The following AP3S2 variants were observed in gnomAD, a reference collection of about 807,000 sequenced individuals.
The protein encoded by AP3S2 is adaptor related protein complex 3 subunit sigma 2.
A neutral mutation model predicts 23.4 loss-of-function variants in AP3S2; 22 were observed. The observed-to-expected ratio is 0.94, with a 90% confidence interval of 0.67 to 1.34. The LOEUF (loss-of-function observed/expected upper bound fraction) is 1.34. Among genes scored for constraint, AP3S2 ranks in the 40% most tolerant of loss-of-function variants. The pLI, the probability that AP3S2 is intolerant of heterozygous loss-of-function variation, is 0.00. For synonymous variants in AP3S2, 86 were observed against 87.1 expected, an observed-to-expected ratio of 0.99 and a Z score of 0.07; for missense variants, 241 against 236.9, an observed-to-expected ratio of 1.02 and a Z score of -0.11.
chr15:89,861,309 A>T (rs1338819651), intron 4 of AP3S2, among the ~76,000 whole-genome samples: 7 of 151,140 alleles, frequency 4.6e-5, no homozygotes, highest in African/African-American at 1.2e-4. Context: ...AAATCTATTT[A>T]AAAAAAAATA....
chr15:89,849,908 A>G (rs1461696942), intron 4 of AP3S2, among the ~76,000 whole-genome samples: 1 of 151,430 alleles, frequency 6.6e-6, no homozygotes, highest in Non-Finnish European at 1.5e-5. Flanking sequence ...ACTGCCATTT[A>G]TGAGTGAAAA....
chr15:89,856,439 G>A (rs995372621), intron 4 of AP3S2, among the ~76,000 whole-genome samples: 11 of 150,608 alleles, frequency 7.3e-5, no homozygotes, highest in African/African-American at 2.2e-4. Context: ...GGTGGCTCAC[G>A]CCTGTAATCC....
intron 4 of AP3S2, among the ~76,000 whole-genome samples, 160 bp downstream of exon 4, chr15:89,871,315 A>T (rs968036675): frequency 6.6e-6 from 1 of 152,118 alleles, no homozygotes; most frequent in Non-Finnish European, 1.5e-5. Context: ...ACAAAACAAA[A>T]CCCAAACTAT....
rs1248652192 is a variant in AP3S2, at chr15:89,837,734, G to A, written c.346-12C>T. ...AGGATGTAGTGCACCTAAAAGGGAAGCAAAAATCAGGAGTCAGAATACTCT... is the reference window on the plus strand; with the variant it reads ...AGGATGTAGTGCACCTAAAAGGGAAACAAAAATCAGGAGTCAGAATACTCT... On this transcript the variant is annotated splice_polypyrimidine_tract_variant and intron_variant, in intron 4 of 5. Coordinates refer to ENST00000336418, the MANE Select transcript of AP3S2 (RefSeq NM_005829.5). The A allele has an allele frequency of 2.5e-6, 4 of 1,612,426 alleles. No homozygotes were observed. The highest frequency in any genetic ancestry group is 3.4e-5 in the Admixed American group (2 of 59,522).
chr15:89,835,739 A>G, intron 5 of AP3S2, 96 bp from the exon 6 acceptor site: 2 of 1,471,482 alleles, frequency 1.4e-6, no homozygotes, highest in Non-Finnish European at 1.8e-6. Flanking sequence ...ACAAAAACAA[A>G]CAAGCAGGAT....
chr15:89,871,598 G>A, intron 3 of AP3S2, 52 bp from the exon 4 acceptor site: 3 of 1,572,484 alleles, frequency 1.9e-6, no homozygotes, highest in Non-Finnish European at 2.6e-6. Flanking sequence ...CACATTCACA[G>A]CTTTATCAAT....
intron 3 of AP3S2, among the ~76,000 whole-genome samples, chr15:89,882,210 G>A (rs931367768): frequency 2.6e-5 from 4 of 152,024 alleles, no homozygotes; most frequent in Admixed American, 6.6e-5. Context: ...GTTTTTAGCA[G>A]AATAGGCACA....
At chr15:89,883,575 C>T (rs1036211536) in intron 3 of AP3S2, among the ~76,000 whole-genome samples, 1 of 152,038 alleles carries the variant, frequency 6.6e-6, no homozygotes, top group African/African-American at 2.4e-5. Flanking sequence ...GACTAGGTCT[C>T]ACTATGTTGC....
chr15:89,837,867 G>C, intron 4 of AP3S2, 145 bp from the exon 5 acceptor site: 1 of 856,136 alleles, frequency 1.2e-6, no homozygotes, highest in Non-Finnish European at 1.8e-6. Context: ...CCCCTGCCCA[G>C]TGACACAACG....
At chr15:89,893,671 G>C (rs867071591) in intron 1 of AP3S2, 4 of 552,710 alleles carry the variant, frequency 7.2e-6, no homozygotes, top group Non-Finnish European at 1.3e-5. Flanking sequence ...ATCAAGAAAA[G>C]GGTCAGCGAG....
At position 89,835,110 on chromosome 15, in the gene AP3S2, G is replaced by A. The variant is rs1415719654; in HGVS notation, c.*405C>T. The A allele has an allele frequency of 4.4e-6, 1 of 224,816 alleles. No homozygotes were observed. Among genetic ancestry groups the A allele is most frequent in the East Asian group, 9.2e-5 (1 of 10,900 alleles). The allele number at this position is 224,816 out of a possible 1,614,324, so 13.9% of individuals were successfully genotyped here. A position where few individuals can be genotyped will look rare whatever the true frequency, so the allele number is the denominator to read the frequency against. On this transcript the variant is annotated 3_prime_UTR_variant, in exon 6 of 6. Coordinates refer to ENST00000336418, the MANE Select transcript of AP3S2 (RefSeq NM_005829.5). ...AGAAGTCTGTGGTGCTAAGGATGAA[G>A]ACTCTACTCAGAGAAGGTGCTCAGC...
intron 1 of AP3S2, among the ~76,000 whole-genome samples, chr15:89,890,677 C>T (rs1317540696): frequency 3.3e-5 from 5 of 152,274 alleles, no homozygotes; most frequent in East Asian, 3.9e-4. Context: ...CTTTGAGTAA[C>T]GAATCATAAG....
chr15:89,888,506 G>A lies in AP3S2; in HGVS notation c.273+15C>T, dbSNP rs757162476. On this transcript the variant is annotated intron_variant, in intron 3 of 5. Coordinates refer to ENST00000336418, the MANE Select transcript of AP3S2 (RefSeq NM_005829.5). ...CTCTCTAAAGCTGCTGCCATCATTA[G>A]CTGACTACACATACCTGGATGAGGT... 6 of 1,612,484 alleles carry A rather than the reference G, an allele frequency of 3.7e-6. No homozygotes were observed. The highest frequency in any genetic ancestry group is 1.3e-5 in the African/African-American group (1 of 74,880).
At chr15:89,851,379 C>G (rs1002507188) in intron 4 of AP3S2, among the ~76,000 whole-genome samples, 4 of 152,044 alleles carry the variant, frequency 2.6e-5, no homozygotes, top group Non-Finnish European at 2.9e-5. Context: ...TGCTCTGTCC[C>G]CCAGGCTGGA....
intron 3 of AP3S2, among the ~76,000 whole-genome samples, chr15:89,885,647 C>A (rs1166145332): frequency 6.6e-6 from 1 of 152,048 alleles, no homozygotes; most frequent in Non-Finnish European, 1.5e-5. Flanking sequence ...TTTTTATTGT[C>A]TTTTCAAAGA....
At chr15:89,849,708 C>T (rs561749204) in intron 4 of AP3S2, among the ~76,000 whole-genome samples, 2 of 152,114 alleles carry the variant, frequency 1.3e-5, no homozygotes, top group South Asian at 4.2e-4. Flanking sequence ...ACTTTAAGTT[C>T]TGGGGTACAT....
At position 89,893,881 on chromosome 15, in the gene AP3S2, G is replaced by A; in HGVS notation, c.69C>T (p.Phe23=). ...KPRLVRFYQR[F]PEEIQQQIVR... ...CGTGGTGAAGCCGGGCCGCACTCAC[G>A]AAACGCTGGTAGAAGCGGACTAGCC... is the stretch of plus-strand genomic sequence containing the variant. Residue 23 remains phenylalanine, a splice_region_variant and synonymous_variant, in exon 1 of 6, where the codon TTC becomes TTT. Coordinates refer to ENST00000336418, the MANE Select transcript of AP3S2 (RefSeq NM_005829.5). The A allele has an allele frequency of 1.9e-6, 3 of 1,551,728 alleles. No homozygotes were observed. Among genetic ancestry groups the A allele is most frequent in the Non-Finnish European group, 1.7e-6 (2 of 1,147,000 alleles).
intron 3 of AP3S2, among the ~76,000 whole-genome samples, chr15:89,873,193 C>T (rs904636111): frequency 1.3e-5 from 2 of 151,942 alleles, no homozygotes; most frequent in Non-Finnish European, 2.9e-5. Context: ...GAAATTTTAT[C>T]GAATTATTTT....
intron 4 of AP3S2, among the ~76,000 whole-genome samples, chr15:89,867,825 C>T (rs1278247871): frequency 1.6e-5 from 2 of 126,488 alleles, no homozygotes; most frequent in African/African-American, 2.9e-5. Flanking sequence ...GCAGCTGCCC[C>T]GTCTGAGAAG....
Sources: allele counts gnomAD v4.1 joint callset (sites outside exome capture counted in the v4.1 genomes callset), GRCh38; gene constraint gnomAD v4.1.1; transcripts MANE v1.5; gene names NCBI Gene and HGNC (gene_info 2026-07-23, HGNC 2026-07-21).